The following P2RY8 variants were observed in gnomAD, a reference collection of about 807,000 sequenced individuals.
P2RY8 encodes S-geranylgeranyl-glutathione receptor P2RY8.
A neutral mutation model predicts 10.0 loss-of-function variants in P2RY8; 6 were observed. That is an observed-to-expected ratio of 0.60 (90% CI 0.33 to 1.19). The LOEUF (loss-of-function observed/expected upper bound fraction) is 1.19. Ranked by LOEUF, P2RY8 falls within the 50% of genes most tolerant of loss-of-function variation. The probability of loss-of-function intolerance (pLI) is 0.04; values close to 1 mark genes in which losing one functional copy is unlikely to be tolerated. For synonymous variants in P2RY8, 276 were observed against 252.5 expected (o/e 1.09, Z -0.88); for missense variants, 456 against 542.0 (o/e 0.84, Z 1.58).
intron 1 of P2RY8, among the ~76,000 whole-genome samples, chrX:1,518,818 C>G (rs1297877282): frequency 6.6e-6 from 1 of 152,088 alleles, no homozygotes; most frequent in African/African-American, 2.4e-5. Context: ...TTCTAGTCCC[C>G]CAAATCCTGC....
intron 1 of P2RY8, among the ~76,000 whole-genome samples, chrX:1,520,416 G>T (rs1386933003): frequency 6.9e-6 from 1 of 144,612 alleles, no homozygotes; most frequent in African/African-American, 2.6e-5. Context: ...CATCTCCTCG[G>T]TCTCTAATAA....
In P2RY8 at chrX:1,465,975, A is replaced by G. The variant is rs1285443337; in HGVS notation, c.584T>C (p.Phe195Ser). 1 of 1,612,432 alleles carries G rather than the reference A, an allele frequency of 6.2e-7. No homozygotes were observed. The highest frequency in any genetic ancestry group is 1.7e-5 in the Admixed American group (1 of 60,022). ...GAGGAACAGCAGGATGAAGATGGTG[A>G]AGAGGAACACGGCCCACATGGCCAC... ...PSVAMWAVFLFTIFILLFLIP... is the reference protein window; with the variant it reads ...PSVAMWAVFLSTIFILLFLIP... Residue 195 changes from phenylalanine to serine, a missense_variant, in exon 2 of 2, where the codon TTC becomes TCC. By Grantham distance (155) the Phe-to-Ser change is radical. Coordinates refer to ENST00000381297, the MANE Select transcript of P2RY8 (RefSeq NM_178129.5).
chrX:1,477,842 G>T (rs2091892705), intron 1 of P2RY8, among the ~76,000 whole-genome samples: 1 of 152,204 alleles, frequency 6.6e-6, no homozygotes, highest in African/African-American at 2.4e-5. Context: ...GTCTGCAAGA[G>T]GCTTTCGGGG....
At chrX:1,486,968 C>T (rs1183005884) in intron 1 of P2RY8, among the ~76,000 whole-genome samples, 2 of 152,236 alleles carry the variant, frequency 1.3e-5, no homozygotes, top group African/African-American at 2.4e-5. Context: ...GCCCCAGGGC[C>T]GAGCTTCCGC....
At chrX:1,528,203 G>A (rs1321657158) in intron 1 of P2RY8, among the ~76,000 whole-genome samples, 5 of 152,206 alleles carry the variant, frequency 3.3e-5, no homozygotes, top group African/African-American at 7.2e-5. Flanking sequence ...GGACAACAGC[G>A]CCTTCACTGA....
At chrX:1,506,045 T>G (rs1423821888) in intron 1 of P2RY8, among the ~76,000 whole-genome samples, 2 of 142,922 alleles carry the variant, frequency 1.4e-5, no homozygotes, top group African/African-American at 2.6e-5. Context: ...CAGGCTGGAG[T>G]GCAGTGGCAC....
intron 1 of P2RY8, among the ~76,000 whole-genome samples, chrX:1,481,884 T>C (rs1316036410): frequency 6.6e-6 from 1 of 152,126 alleles, no homozygotes; most frequent in Non-Finnish European, 1.5e-5. Flanking sequence ...CAAAAACGCG[T>C]AGGAAATGCT....
In P2RY8 at chrX:1,537,027, G is replaced by T. The variant is rs1175382409; in HGVS notation, c.-131C>A. ...CCGTGCCTCAGAGCCCGGGACTCGG[G>T]GGGCCAGCCACCAGCTTGCAAGCCG... On this transcript the variant is annotated 5_prime_UTR_variant, in exon 1 of 2. Coordinates refer to ENST00000381297, the MANE Select transcript of P2RY8 (RefSeq NM_178129.5). The T allele has an allele frequency of 8.6e-6, 2 of 232,512 alleles. No homozygotes were observed. The highest frequency in any genetic ancestry group is 1.1e-4 in the Admixed American group (2 of 17,746). 14.4% of individuals were successfully genotyped at this position (232,512 alleles called of 1,614,324 possible).
At chrX:1,490,367 C>A (rs2092032565) in intron 1 of P2RY8, among the ~76,000 whole-genome samples, 1 of 149,148 alleles carries the variant, frequency 6.7e-6, no homozygotes, top group East Asian at 2.0e-4. Flanking sequence ...TGAATGATAC[C>A]CAGATATTCC....
chrX:1,506,602 G>A (rs1316164908), intron 1 of P2RY8, among the ~76,000 whole-genome samples: 7 of 152,054 alleles, frequency 4.6e-5, no homozygotes, highest in South Asian at 2.1e-4. Flanking sequence ...GAATCTTGAC[G>A]ACATCACCAT....
chrX:1,486,144 G>A (rs4494084), intron 1 of P2RY8, among the ~76,000 whole-genome samples: 24,381 of 152,178 alleles, frequency 0.16, 2,579 homozygotes, highest in Non-Finnish European at 0.24. Flanking sequence ...CTTGAACCCG[G>A]GAGGCGGAGG....
intron 1 of P2RY8, among the ~76,000 whole-genome samples, chrX:1,504,935 A>C (rs2092216843): frequency 6.6e-6 from 1 of 152,088 alleles, no homozygotes; most frequent in Admixed American, 6.6e-5. Context: ...GATCGAGACC[A>C]TCCTGGCTAA....
chrX:1,498,420 A>G (rs1324668467), intron 1 of P2RY8, among the ~76,000 whole-genome samples: 8 of 151,098 alleles, frequency 5.3e-5, no homozygotes, highest in East Asian at 3.9e-4. Context: ...AAAAAAAAAA[A>G]AAAGAAAAAG....
At position 1,500,026 on chromosome X, in the gene P2RY8, T is replaced by C. The variant is rs1388196386; in HGVS notation, c.-24-33444A>G. On this transcript the variant is annotated intron_variant, in intron 1 of 1. Transcript: ENST00000381297. ...GGCGTGTACCACCATGCCCAGCTAA[T>C]TTTTTGTATTTTTAGTAGAGACGGG... Among the ~76,000 whole-genome samples, 2 of 36,120 alleles carry C rather than the reference T, an allele frequency of 5.5e-5. 1 individual carries two copies. Among genetic ancestry groups the C allele is most frequent in the Non-Finnish European group, 3.2e-4 (2 of 6,238 alleles). 23.7% of individuals were successfully genotyped at this position (36,120 alleles called of 152,430 possible).
At chrX:1,508,898 T>C (rs1204505068) in intron 1 of P2RY8, among the ~76,000 whole-genome samples, 2 of 132,530 alleles carry the variant, frequency 1.5e-5, no homozygotes, top group African/African-American at 5.7e-5. Flanking sequence ...ATCATCTATG[T>C]ATCTATGTAT....
Position 1,528,707 on chromosome X carries a change from A to G in P2RY8, c.-25+8214T>C, listed in dbSNP as rs773486598. Among the ~76,000 whole-genome samples, 74 of 151,362 alleles carry G rather than the reference A, an allele frequency of 4.9e-4. No homozygotes were observed. The Middle Eastern group carries it at 0.01, about 21-fold the overall frequency. On this transcript the variant is annotated intron_variant, in intron 1 of 1. Coordinates refer to ENST00000381297, the MANE Select transcript of P2RY8 (RefSeq NM_178129.5). ...TTGTGGACTTGAGTCTCTTTGAATG[A>G]GTGTGGATTTGAGTCTCTTTGAATT...
In P2RY8 at chrX:1,491,225, G is replaced by A. The variant is rs780731889; in HGVS notation, c.-24-24643C>T. Among the ~76,000 whole-genome samples, 4 of 151,840 alleles carry A rather than the reference G, an allele frequency of 2.6e-5. No individual in the cohort carries two copies. In the South Asian group the frequency reaches 8.3e-4, roughly 31 times the overall value. On this transcript the variant is annotated intron_variant, in intron 1 of 1. Coordinates refer to ENST00000381297, the MANE Select transcript of P2RY8 (RefSeq NM_178129.5). Reference sequence around the variant, plus strand: ...ATACCCAGATATTCACTGCAAATGTGGGGGGAATGAATGAATGATACCCCA... The same window carrying A: ...ATACCCAGATATTCACTGCAAATGTAGGGGGAATGAATGAATGATACCCCA...
At chrX:1,525,004 A>G (rs73186948) in intron 1 of P2RY8, among the ~76,000 whole-genome samples, 15,474 of 152,204 alleles carry the variant, frequency 0.1, 901 homozygotes, top group African/African-American at 0.12. Context: ...AGGTGGTCTC[A>G]GGGTGGGGGC....
At chrX:1,507,117 A>G (rs1413169949) in intron 1 of P2RY8, among the ~76,000 whole-genome samples, 1 of 111,270 alleles carries the variant, frequency 9.0e-6, no homozygotes, top group Non-Finnish European at 2.0e-5. Context: ...TTCAAATCGG[A>G]GTCCTCATGG....
Sources: gnomAD v4.1 joint callset for allele counts (sites outside exome capture counted in the v4.1 genomes callset) on GRCh38, gnomAD v4.1.1 for gene constraint, MANE v1.5 for transcripts, NCBI Gene and HGNC (gene_info 2026-07-23, HGNC 2026-07-21) for gene names.